Variants in VWA8 observed in about 807,000 individuals in gnomAD.
The protein encoded by VWA8 is von Willebrand factor A domain-containing protein 8.
In VWA8, 221 loss-of-function variants were observed where a neutral mutation model predicts 241.5. That is an observed-to-expected ratio of 0.91 (90% CI 0.82 to 1.02). The LOEUF is 1.02. Ranked by LOEUF, VWA8 falls within the 50% of genes least tolerant of loss-of-function variation. VWA8 has a pLI of 0.00. For synonymous variants in VWA8, 852 were observed against 827.1 expected (o/e 1.03, Z -0.52); for missense variants, 2,322 against 2,328.7 (o/e 1.00, Z 0.06).
chr13:41,817,644 A>G (rs1205445116), intron 15 of VWA8, among the ~76,000 whole-genome samples: 1 of 152,160 alleles, frequency 6.6e-6, no homozygotes, highest in Non-Finnish European at 1.5e-5. Flanking sequence ...CCATTTTTAG[A>G]TGAGGAAACT....
intron 4 of VWA8, among the ~76,000 whole-genome samples, chr13:41,892,618 C>A (rs942019515): frequency 3.3e-5 from 5 of 152,184 alleles, no homozygotes; most frequent in African/African-American, 1.2e-4. Flanking sequence ...AATGACCCCC[C>A]AGAATCTTGG....
chr13:41,746,263 G>A (rs948185052), intron 21 of VWA8, among the ~76,000 whole-genome samples: 9 of 152,036 alleles, frequency 5.9e-5, no homozygotes, highest in African/African-American at 1.9e-4. Context: ...TAGTGGCAAG[G>A]GACATAACAA....
intron 40 of VWA8, among the ~76,000 whole-genome samples, chr13:41,591,043 TG>T (rs2044451092): frequency 6.6e-6 from 1 of 152,284 alleles, no homozygotes; most frequent in East Asian, 1.9e-4. Context: ...AATATAATAA[TG>T]GGGGCGCATT....
chr13:41,891,578 G>C lies in VWA8; in HGVS notation c.493C>G (p.Arg165Gly), dbSNP rs1034651553. The change falls in exon 5 of 45, where the codon CGT becomes GGT. Residue 165 changes from arginine to glycine, a missense_variant. Transcript: ENST00000379310. ...TAFYIDQCAV[R>G]AATEGRTLIL... ...AGAGTTCTGCCTTCTGTGGCTGCAC[G>C]AACTGCACACTATTTCCAAGAAACG... The C allele has an allele frequency of 6.2e-7, 1 of 1,614,084 alleles. No individual in the cohort carries two copies. Among genetic ancestry groups the C allele is most frequent in the East Asian group, 2.2e-5 (1 of 44,886 alleles).
At chr13:41,573,486 A>AAAAAAATAAATATATATATAT in intron 43 of VWA8, among the ~76,000 whole-genome samples, 1 of 113,614 alleles carries the variant, frequency 8.8e-6, no homozygotes, top group African/African-American at 3.4e-5. Context: ...AAAAAAAAAA[A>AAAAAAATAAATATATATATAT]ATATATATAT....
rs1272755681 is a variant in VWA8, at chr13:41,827,889, G to T, written c.1700+2640C>A. 2.0e-5 allele frequency among the ~76,000 whole-genome samples: 3 copies of T among 152,318 alleles called. No homozygotes were observed. The East Asian group carries it at 5.8e-4, about 29-fold the overall frequency. Reference sequence around the variant, plus strand: ...TCATTTCCTTGACATTTGGAGACAAGTAGAATGCTTCTGATGTCCTAAGAG... The same window carrying T: ...TCATTTCCTTGACATTTGGAGACAATTAGAATGCTTCTGATGTCCTAAGAG... On this transcript the variant is annotated intron_variant, in intron 14 of 44. Transcript: ENST00000379310.
intron 1 of VWA8, among the ~76,000 whole-genome samples, chr13:41,960,215 C>G (rs1247912684): frequency 2.6e-5 from 4 of 152,220 alleles, no homozygotes; most frequent in Non-Finnish European, 2.9e-5. Context: ...GTTGTGTGTT[C>G]TCCAGCGAAT....
At chr13:41,858,044 G>A (rs948266318) in intron 12 of VWA8, among the ~76,000 whole-genome samples, 11 of 152,066 alleles carry the variant, frequency 7.2e-5, no homozygotes, top group African/African-American at 2.7e-4. Context: ...GGCTCTATTG[G>A]TTCTCAGCCC....
intron 9 of VWA8, among the ~76,000 whole-genome samples, chr13:41,880,047 G>C (rs1874095628): frequency 6.6e-6 from 1 of 152,108 alleles, no homozygotes; most frequent in Non-Finnish European, 1.5e-5. Context: ...AGTGTGACTG[G>C]CCTTTTGGAA....
intron 21 of VWA8, among the ~76,000 whole-genome samples, chr13:41,739,977 C>A (rs545660027): frequency 1.3e-5 from 2 of 151,298 alleles, no homozygotes; most frequent in Non-Finnish European, 1.5e-5. Flanking sequence ...GCCTCAGCCT[C>A]CCGAGTTGCT....
intron 44 of VWA8, 129 bp from the exon 45 acceptor site, chr13:41,568,434 C>G: frequency 1.6e-6 from 1 of 623,090 alleles, no homozygotes; most frequent in Non-Finnish European, 2.8e-6. Flanking sequence ...ATACCTTGCT[C>G]TCTGCCTACC....
intron 9 of VWA8, among the ~76,000 whole-genome samples, chr13:41,882,849 C>T (rs1288815434): frequency 6.6e-6 from 1 of 151,678 alleles, no homozygotes; most frequent in Non-Finnish European, 1.5e-5. Context: ...GAGAGCAATC[C>T]TATTTTTTTA....
intron 21 of VWA8, among the ~76,000 whole-genome samples, chr13:41,752,794 A>G (rs2045665957): frequency 6.6e-6 from 1 of 152,170 alleles, no homozygotes; most frequent in African/African-American, 2.4e-5. Flanking sequence ...TATTCCTCAC[A>G]ACAACCCTGC....
At chr13:41,858,930 G>A (rs531159529) in intron 12 of VWA8, among the ~76,000 whole-genome samples, 6 of 152,096 alleles carry the variant, frequency 3.9e-5, no homozygotes, top group African/African-American at 7.2e-5. Flanking sequence ...AATCAGCCCC[G>A]CCTGGGCAGG....
chr13:41,920,133 T>C (rs1876445356), intron 2 of VWA8, among the ~76,000 whole-genome samples: 1 of 152,198 alleles, frequency 6.6e-6, no homozygotes, highest in African/African-American at 2.4e-5. Context: ...ACCTGGGCTA[T>C]TGCTGAGTGT....
chr13:41,772,577 T>G (rs961772290), intron 20 of VWA8, among the ~76,000 whole-genome samples: 23 of 152,206 alleles, frequency 1.5e-4, no homozygotes, highest in Admixed American at 1.2e-3. Context: ...TATTCAGCAT[T>G]ATACCCTAAG....
At chr13:41,654,697 T>C (rs2044891229) in intron 37 of VWA8, among the ~76,000 whole-genome samples, 1 of 152,184 alleles carries the variant, frequency 6.6e-6, no homozygotes, top group South Asian at 2.1e-4. Context: ...GGACTCCTGA[T>C]CTAACAGGAC....
chr13:41,737,530 A>G (rs1484783193), intron 21 of VWA8, among the ~76,000 whole-genome samples: 1 of 152,242 alleles, frequency 6.6e-6, no homozygotes, highest in South Asian at 2.1e-4. Flanking sequence ...AAACAAAAAC[A>G]GTCACTGTTA....
intron 14 of VWA8, among the ~76,000 whole-genome samples, chr13:41,830,316 T>TA (rs200116607): frequency 1.3e-4 from 19 of 146,914 alleles, no homozygotes; most frequent in South Asian, 2.1e-4. Context: ...GTTTTTTTTT[T>TA]TAAAAAAAAA....
Sources: gnomAD v4.1 joint callset for allele counts (sites outside exome capture counted in the v4.1 genomes callset) on GRCh38, gnomAD v4.1.1 for gene constraint, MANE v1.5 for transcripts, NCBI Gene and HGNC (gene_info 2026-07-23, HGNC 2026-07-21) for gene names.